WDR35: variants seen among roughly 807,000 people sequenced by gnomAD.
WDR35 encodes the protein WD repeat-containing protein 35.
In WDR35, 118 loss-of-function variants were observed where a neutral mutation model predicts 158.3. That is an observed-to-expected ratio of 0.75 (90% CI 0.64 to 0.87). WDR35 has a LOEUF of 0.87. Among genes scored for constraint, WDR35 ranks in the 40% least tolerant of loss-of-function variants. The pLI, the probability that WDR35 is intolerant of heterozygous loss-of-function variation, is 0.00. For missense variants in WDR35, 1,263 were observed against 1,405.8 expected (o/e 0.90, Z 1.62); for synonymous variants, 448 against 476.1 (o/e 0.94, Z 0.77).
At chr2:19,959,192 C>A (rs1671550178) in intron 11 of WDR35, among the ~76,000 whole-genome samples, 1 of 151,830 alleles carries the variant, frequency 6.6e-6, no homozygotes, top group South Asian at 2.1e-4. Context: ...AATAGTCATG[C>A]TCTCAAGTAT....
At chr2:19,981,767 C>A (rs1357162801) in intron 3 of WDR35, among the ~76,000 whole-genome samples, 1 of 152,164 alleles carries the variant, frequency 6.6e-6, no homozygotes, top group Non-Finnish European at 1.5e-5. Context: ...AGTCTTCCCA[C>A]CTTGGCCTCC....
At chr2:19,966,148 T>C (rs1671844917) in intron 10 of WDR35, among the ~76,000 whole-genome samples, 1 of 152,212 alleles carries the variant, frequency 6.6e-6, no homozygotes, top group Admixed American at 6.5e-5. Flanking sequence ...CTATACTTTT[T>C]AATGGGGTAA....
At chr2:19,935,126 T>C (rs1670652063) in intron 21 of WDR35, 3 of 157,168 alleles carry the variant, frequency 1.9e-5, no homozygotes, top group Non-Finnish European at 4.2e-5. Context: ...TTTCAAACAA[T>C]TTCAGATTAT....
chr2:19,934,354 C>T lies in WDR35; in HGVS notation c.2548-843G>A, dbSNP rs1181795923. On this transcript the variant is annotated intron_variant, in intron 21 of 26. Transcript: ENST00000281405. This position sits in a 1 kb window ranked among gnomAD's most constrained non-coding sequence, Gnocchi z 4.6. Reference sequence around the variant, plus strand: ...AGAAACCTCTCTCAATACTCTGGTGCAATTTCTTAACATCTTTGTCCTTTG... The same window carrying T: ...AGAAACCTCTCTCAATACTCTGGTGTAATTTCTTAACATCTTTGTCCTTTG... Among the ~76,000 whole-genome samples, 1 of 152,056 alleles carries T rather than the reference C, an allele frequency of 6.6e-6. No homozygotes were observed. The highest frequency in any genetic ancestry group is 2.4e-5 in the African/African-American group (1 of 41,398).
chr2:19,922,909 G>A (rs1480739606), intron 25 of WDR35, among the ~76,000 whole-genome samples: 1 of 152,108 alleles, frequency 6.6e-6, no homozygotes, highest in East Asian at 1.9e-4. Flanking sequence ...GCCCGCCCAG[G>A]GCAGAAAACT....
intron 13 of WDR35, among the ~76,000 whole-genome samples, chr2:19,948,992 C>G (rs1671150658): frequency 6.6e-6 from 1 of 151,948 alleles, no homozygotes; most frequent in African/African-American, 2.4e-5. Context: ...CACACGCACA[C>G]CTATTAGCAC....
At chr2:19,932,637 A>G (rs1479744671) in intron 22 of WDR35, among the ~76,000 whole-genome samples, 190 bp from the exon 23 acceptor site, 2 of 152,168 alleles carry the variant, frequency 1.3e-5, no homozygotes, top group African/African-American at 4.8e-5. Context: ...TGATTAAATG[A>G]TCTCTAAGAC....
chr2:19,919,286 C>T (rs1350689197), intron 25 of WDR35, among the ~76,000 whole-genome samples: 2 of 145,912 alleles, frequency 1.4e-5, no homozygotes, highest in Non-Finnish European at 3.0e-5. Flanking sequence ...GAGGCTGAGG[C>T]AGGAGAATGG....
chr2:19,962,404 T>C (rs1163275519), intron 10 of WDR35: 4 of 1,445,848 alleles, frequency 2.8e-6, no homozygotes, highest in African/African-American at 1.4e-5. Context: ...CTCAACCTAA[T>C]GAAAGTGGCT....
At position 19,911,363 on chromosome 2, in the gene WDR35, C is replaced by G. The variant is rs1275650151; in HGVS notation, c.*2195G>C. On this transcript the variant is annotated 3_prime_UTR_variant, in exon 27 of 27. Coordinates refer to ENST00000281405, the MANE Select transcript of WDR35 (RefSeq NM_020779.4). ...ACTAAGAATTGCAGCTCTGACCAAA[C>G]TGTCCTGCAGGAACCTTTCAGACAG... 1 of 152,254 alleles carries G rather than the reference C, an allele frequency of 6.6e-6. No individual in the cohort carries two copies. The highest frequency in any genetic ancestry group is 1.9e-4 in the East Asian group (1 of 5,200). The allele number at this position is 152,254 out of a possible 1,614,324, so 9.4% of individuals were successfully genotyped here.
At chr2:19,977,127 C>T (rs1444709009) in intron 5 of WDR35, among the ~76,000 whole-genome samples, 2 of 152,184 alleles carry the variant, frequency 1.3e-5, no homozygotes, top group Non-Finnish European at 2.9e-5. Context: ...CCACTGTCCC[C>T]AGCCTAAATG....
intron 14 of WDR35, among the ~76,000 whole-genome samples, chr2:19,947,378 C>CA (rs1360723879): frequency 2.0e-5 from 3 of 152,252 alleles, no homozygotes; most frequent in African/African-American, 7.2e-5. Flanking sequence ...TTTTTCCCCC[C>CA]ATAAAATTAG....
chr2:19,931,439 T>TA, intron 23 of WDR35, 30 bp from the exon 24 acceptor site: 1 of 1,610,414 alleles, frequency 6.2e-7, no homozygotes, highest in Non-Finnish European at 8.5e-7. Flanking sequence ...TGAGGGAAGT[T>TA]ACTTCTTATC....
chr2:19,969,592 A>G lies in WDR35; in HGVS notation c.896T>C (p.Leu299Ser). The G allele has an allele frequency of 1.2e-6, 2 of 1,613,838 alleles. No individual in the cohort carries two copies. The highest frequency in any genetic ancestry group is 1.1e-5 in the South Asian group (1 of 91,064). Residue 299 changes from leucine (L) to serine (S), a missense_variant, in exon 9 of 27, where the codon TTG becomes TCG. Physicochemically the swap from Leu to Ser is moderately radical, Grantham distance 145. Transcript: ENST00000281405. The part of the protein sequence containing the change: ...YTPFGEHLGT[L>S]KVPGKEISAL... ...AGATATTTCCTTTCCAGGAACTTTC[A>G]AAGTACCCAGATGCTGAAAAAGAAA...
chr2:19,929,489 A>G (rs1269785408), intron 25 of WDR35, among the ~76,000 whole-genome samples: 1 of 152,180 alleles, frequency 6.6e-6, no homozygotes, highest in East Asian at 1.9e-4. Flanking sequence ...AAAGACCAGT[A>G]ATGATTTAGT....
At chr2:19,972,636 G>T (rs1157787862) in intron 8 of WDR35, among the ~76,000 whole-genome samples, 1 of 151,804 alleles carries the variant, frequency 6.6e-6, no homozygotes, top group South Asian at 2.1e-4. Flanking sequence ...ACGTTCTACA[G>T]TATATTCTAC....
intron 25 of WDR35, among the ~76,000 whole-genome samples, chr2:19,916,494 A>G (rs1214247693): frequency 6.6e-6 from 1 of 152,198 alleles, no homozygotes; most frequent in Non-Finnish European, 1.5e-5. Context: ...CACTGGCTTG[A>G]AAGTCTCATG....
intron 5 of WDR35, among the ~76,000 whole-genome samples, chr2:19,977,604 C>A (rs1672253129): frequency 6.6e-6 from 1 of 152,086 alleles, no homozygotes; most frequent in Admixed American, 6.5e-5. Context: ...ATTATCTTTC[C>A]TTCCTTTCTC....
intron 11 of WDR35, among the ~76,000 whole-genome samples, chr2:19,955,606 ACTAC>A (rs1479801700): frequency 1.3e-5 from 2 of 152,228 alleles, no homozygotes; most frequent in African/African-American, 4.8e-5. Context: ...AACAGATTAT[ACTAC>A]CTGTTTTCTA....
Sources: allele counts gnomAD v4.1 joint callset (sites outside exome capture counted in the v4.1 genomes callset), GRCh38; gene constraint gnomAD v4.1.1; non-coding constraint Gnocchi (gnomAD v3.1); transcripts MANE v1.5; gene names NCBI Gene and HGNC (gene_info 2026-07-23, HGNC 2026-07-21).